Variants in ARHGAP35 observed in about 807,000 individuals in gnomAD.
The protein encoded by ARHGAP35 is Rho GTPase activating protein 35, also known as rho GTPase-activating protein 35.
Under a neutral mutation model 111.1 loss-of-function variants are expected in ARHGAP35, and 15 were observed. The observed-to-expected ratio is 0.13, with a 90% CI of 0.09 to 0.21. ARHGAP35 has a LOEUF of 0.21. Ranked by LOEUF, ARHGAP35 falls within the 10% of genes least tolerant of loss-of-function variation. ARHGAP35 has a pLI of 1.00. For missense variants in ARHGAP35, 1,262 were observed against 1,873.0 expected (o/e 0.67, Z 6.02); for synonymous variants, 643 against 710.3 (o/e 0.91, Z 1.51).
chr19:46,923,684 C>A (rs888366197), intron 2 of ARHGAP35, among the ~76,000 whole-genome samples: 1 of 151,692 alleles, frequency 6.6e-6, no homozygotes, highest in African/African-American at 2.4e-5. Context: ...TTTTGGAGGC[C>A]GAGGCGGGTG....
At position 47,004,211 on chromosome 19, in the gene ARHGAP35, G is replaced by A. The variant is rs1052668; in HGVS notation, c.*3523G>A. 49,344 of 152,144 alleles carry A rather than the reference G, an allele frequency of 0.32. 8,294 individuals are homozygous for A. Among genetic ancestry groups the A allele is most frequent in the Middle Eastern group, 0.43 (128 of 296 alleles). 9.4% of individuals were successfully genotyped at this position (152,144 alleles called of 1,614,324 possible). A position where few individuals can be genotyped will look rare whatever the true frequency, so the allele number is the denominator to read the frequency against. Reference sequence around the variant, plus strand: ...CGTGGCTCTGAGGTGTAACGGGGGTGGGCTCCCTCCCTCGGAGGACATCGT... The same window carrying A: ...CGTGGCTCTGAGGTGTAACGGGGGTAGGCTCCCTCCCTCGGAGGACATCGT... On this transcript the variant is annotated 3_prime_UTR_variant, in exon 7 of 7. Transcript: ENST00000672722.
intron 1 of ARHGAP35, among the ~76,000 whole-genome samples, chr19:46,869,462 C>T (rs1177102360): frequency 6.8e-6 from 1 of 146,028 alleles, no homozygotes; most frequent in Non-Finnish European, 1.5e-5. Flanking sequence ...GAGACCTTGT[C>T]TCAAGAAAAA....
intron 3 of ARHGAP35, among the ~76,000 whole-genome samples, chr19:46,971,305 T>G (rs990414081): frequency 2.0e-5 from 3 of 150,938 alleles, no homozygotes; most frequent in African/African-American, 7.3e-5. Flanking sequence ...ACTCGGGAGG[T>G]GGAGGCAGGA....
In ARHGAP35 at chr19:47,000,676, A is replaced by G. The variant is rs1376744514; in HGVS notation, c.4488A>G (p.Glu1496=). The G allele has an allele frequency of 6.3e-7, 1 of 1,585,164 alleles. No individual in the cohort carries two copies. Among genetic ancestry groups the G allele is most frequent in the Admixed American group, 1.7e-5 (1 of 57,492 alleles). ...QPLLPSQLQA[E]HTL is the part of the protein sequence containing the mutation. ...TGCTTCCCTCCCAGCTTCAAGCCGA[A>G]CACACGCTGTGAGCCACCAAGACCT... Residue 1496 remains glutamate (E), a synonymous_variant, in exon 7 of 7, where the codon GAA becomes GAG. Transcript: ENST00000672722. This position sits in a 1 kb window ranked among gnomAD's most constrained non-coding sequence, Gnocchi z 6.9.
At chr19:46,889,399 C>T (rs1006213392) in intron 1 of ARHGAP35, among the ~76,000 whole-genome samples, 9 of 152,120 alleles carry the variant, frequency 5.9e-5, no homozygotes, top group African/African-American at 2.2e-4. Context: ...GTGGAGGTTG[C>T]AGTGAGCTAA....
intron 1 of ARHGAP35, among the ~76,000 whole-genome samples, chr19:46,878,071 G>T (rs1286634749): frequency 6.6e-6 from 1 of 151,990 alleles, no homozygotes; most frequent in Non-Finnish European, 1.5e-5. Flanking sequence ...GCCCAGGCTA[G>T]AGAGTATAGT....
intron 3 of ARHGAP35, chr19:46,948,021 A>T (rs2056389738): frequency 6.6e-6 from 1 of 152,232 alleles, no homozygotes; most frequent in Non-Finnish European, 1.5e-5. Flanking sequence ...AAGCTCTCTG[A>T]ACCCTGTCCT....
intron 5 of ARHGAP35, among the ~76,000 whole-genome samples, chr19:46,996,983 C>A (rs1430623515): frequency 6.6e-6 from 1 of 152,188 alleles, no homozygotes; most frequent in South Asian, 2.1e-4. Flanking sequence ...CGTGATGAAA[C>A]CCCGTCTCTA....
At chr19:46,927,803 G>A (rs769494861) in intron 2 of ARHGAP35, among the ~76,000 whole-genome samples, 1 of 152,156 alleles carries the variant, frequency 6.6e-6, no homozygotes, top group Non-Finnish European at 1.5e-5. Flanking sequence ...TAGCCACTGA[G>A]TGGAAGAGCT....
rs1376825813 is a variant in ARHGAP35 at position 46,937,268 on chromosome 19, C to T, written c.3686C>T (p.Pro1229Leu). The change falls in exon 3 of 7, where the codon CCA (proline) becomes CTA (leucine). Residue 1229 changes from proline to leucine, a missense_variant. Pro to Leu is a moderately conservative substitution (Grantham distance 98, BLOSUM62 -3). Around this residue, in one of 8 missense-constraint regions of ARHGAP35, gnomAD observed 579 missense variants for 716.9 expected, o/e 0.81. Transcript: ENST00000672722. ...CCCTTTCTCTTTCCTGGACAGAAAC[C>T]AAAGCCCAAACCCCGGCCATCCATC... ...LRSLRRNTKK[P>L]KPKPRPSITK... The T allele has an allele frequency of 6.2e-7, 1 of 1,613,666 alleles. No homozygotes were observed. The highest frequency in any genetic ancestry group is 8.5e-7 in the Non-Finnish European group (1 of 1,179,716).
intron 3 of ARHGAP35, among the ~76,000 whole-genome samples, chr19:46,981,825 GTGTTTTGTTTTGTTTTGTTTTGTTT>G (rs55887324): frequency 3.9e-4 from 57 of 147,294 alleles, no homozygotes; most frequent in Admixed American, 3.1e-3. Flanking sequence ...GTATTTTTTG[GTGTTTTGTTTTGTTTTGTTTTGTTT>G]TGTTTTGTTT....
Position 46,919,251 on chromosome 19 carries a change from A to G in ARHGAP35, c.576A>G (p.Lys192=), listed in dbSNP as rs751670981. Residue 192 remains lysine (K), a synonymous_variant, in exon 2 of 7, where the codon AAA becomes AAG. Coordinates refer to ENST00000672722, the MANE Select transcript of ARHGAP35 (RefSeq NM_004491.5). The surrounding 1 kb of genome is among the most constrained non-coding windows in gnomAD (Gnocchi z 6.2). ...TCTACAATCAGCTTGCAAAAACAAA[A>G]AAGCCCATAGTGGTGGTCCTGACTA... The part of the protein sequence containing the change: ...SNLYNQLAKT[K]KPIVVVLTKC... The G allele has an allele frequency of 1.2e-6, 2 of 1,613,870 alleles. No individual in the cohort carries two copies. Among genetic ancestry groups the G allele is most frequent in the Non-Finnish European group, 1.7e-6 (2 of 1,179,864 alleles).
At chr19:46,964,113 C>G (rs1380410467) in intron 3 of ARHGAP35, among the ~76,000 whole-genome samples, 5 of 152,010 alleles carry the variant, frequency 3.3e-5, no homozygotes, top group African/African-American at 1.2e-4. Context: ...GGTGATCCAC[C>G]CGCCTCAGCC....
intron 1 of ARHGAP35, among the ~76,000 whole-genome samples, chr19:46,868,105 T>A (rs1173464007): frequency 6.6e-6 from 1 of 152,176 alleles, no homozygotes; most frequent in Non-Finnish European, 1.5e-5. Flanking sequence ...TGACCTCAGG[T>A]GATCCACCTG....
chr19:46,922,954 C>T lies in ARHGAP35; in HGVS notation c.3681+598C>T, dbSNP rs1471350388. ...ACCATCCAGTCTATTATTTTATCTT[C>T]AAGGGAGTTGCTGCTGCTATCAGTC... On this transcript the variant is annotated intron_variant, in intron 2 of 6. Transcript: ENST00000672722. This position sits in a 1 kb window ranked among gnomAD's most constrained non-coding sequence, Gnocchi z 4.0. 6.6e-6 allele frequency among the ~76,000 whole-genome samples: 1 copy of T among 152,176 alleles called. No individual in the cohort carries two copies. Among genetic ancestry groups the T allele is most frequent in the Non-Finnish European group, 1.5e-5 (1 of 68,012 alleles).
At chr19:46,892,748 C>T (rs537515752) in intron 1 of ARHGAP35, among the ~76,000 whole-genome samples, 2 of 150,590 alleles carry the variant, frequency 1.3e-5, no homozygotes, top group Non-Finnish European at 2.9e-5. Flanking sequence ...TAATTGTTAG[C>T]TGCTTGTCCT....
intron 1 of ARHGAP35, among the ~76,000 whole-genome samples, chr19:46,900,668 C>A (rs1158689515): frequency 1.3e-5 from 2 of 152,158 alleles, no homozygotes; most frequent in Non-Finnish European, 2.9e-5. Context: ...ATTGAGCCAG[C>A]AGTGTGTGTG....
intron 3 of ARHGAP35, among the ~76,000 whole-genome samples, chr19:46,980,350 C>G (rs960079176): frequency 1.3e-5 from 2 of 152,162 alleles, no homozygotes; most frequent in Admixed American, 1.3e-4. Context: ...GCACATTGCA[C>G]TCTGGCCTGG....
chr19:46,909,884 T>C (rs780013080), intron 1 of ARHGAP35, among the ~76,000 whole-genome samples: 2 of 151,978 alleles, frequency 1.3e-5, no homozygotes, highest in Non-Finnish European at 2.9e-5. Flanking sequence ...TGGGCTCAGG[T>C]GATCTTCCCA....
Sources: gnomAD v4.1 joint callset for allele counts (sites outside exome capture counted in the v4.1 genomes callset) on GRCh38, gnomAD v4.1.1 for gene constraint, gnomAD v4.1.1 regional missense constraint, Gnocchi (gnomAD v3.1) non-coding constraint, MANE v1.5 for transcripts, NCBI Gene and HGNC (gene_info 2026-07-23, HGNC 2026-07-21) for gene names.